The following MARCHF1 variants were observed in gnomAD, a reference collection of about 807,000 sequenced individuals.
MARCHF1 encodes the protein membrane associated ring-CH-type finger 1, also known as E3 ubiquitin-protein ligase MARCHF1.
A neutral mutation model predicts 54.2 loss-of-function variants in MARCHF1; 40 were observed. The ratio of observed to expected loss-of-function variants is 0.74; its 90% CI spans 0.57 to 0.96. The LOEUF (loss-of-function observed/expected upper bound fraction) is 0.96, where lower values mean the gene tolerates loss of function less well. Ranked by LOEUF, MARCHF1 falls within the 40% of genes least tolerant of loss-of-function variation. MARCHF1 has a pLI of 0.00. For missense variants in MARCHF1, 586 were observed against 656.5 expected, an observed-to-expected ratio of 0.89 and a Z score of 1.17; for synonymous variants, 236 against 236.3, an observed-to-expected ratio of 1.00 and a Z score of 0.01.
chr4:164,290,820 A>G (rs1011407581), intron 1 of MARCHF1, among the ~76,000 whole-genome samples: 1 of 151,990 alleles, frequency 6.6e-6, no homozygotes, highest in Non-Finnish European at 1.5e-5. Flanking sequence ...AGGAAAGATC[A>G]TGAAAAACTA....
At chr4:164,259,544 C>CAAAAAAAAAAAAAAAA (rs141030578) in intron 1 of MARCHF1, among the ~76,000 whole-genome samples, 8 of 58,948 alleles carry the variant, frequency 1.4e-4, no homozygotes, top group African/African-American at 2.7e-4. Flanking sequence ...GACCGTGTCT[C>CAAAAAAAAAAAAAAAA]AAAAAAAAAA....
At chr4:163,591,332 T>G (rs770296260) in intron 7 of MARCHF1, among the ~76,000 whole-genome samples, 1 of 152,060 alleles carries the variant, frequency 6.6e-6, no homozygotes, top group African/African-American at 2.4e-5. Flanking sequence ...TCATCTAAAT[T>G]TCAGACTCAC....
intron 2 of MARCHF1, among the ~76,000 whole-genome samples, chr4:164,025,528 AAATT>A (rs1482995846): frequency 6.6e-6 from 1 of 152,108 alleles, no homozygotes; most frequent in Non-Finnish European, 1.5e-5. Context: ...AAATTATTAG[AAATT>A]AATAAAATTG....
At chr4:164,091,126 C>T (rs1376830964) in intron 2 of MARCHF1, among the ~76,000 whole-genome samples, 3 of 151,986 alleles carry the variant, frequency 2.0e-5, no homozygotes, top group African/African-American at 7.2e-5. Context: ...AATCTGGTGG[C>T]AAATATCAGC....
chr4:163,921,990 C>T (rs370721372), intron 3 of MARCHF1, among the ~76,000 whole-genome samples: 1 of 152,082 alleles, frequency 6.6e-6, no homozygotes, highest in Non-Finnish European at 1.5e-5. Flanking sequence ...CAATGATAGA[C>T]TGGATTAAGA....
intron 1 of MARCHF1, among the ~76,000 whole-genome samples, chr4:164,167,332 A>G (rs7688357): frequency 0.19 from 28,707 of 151,758 alleles, 4,366 homozygotes; most frequent in African/African-American, 0.41. Flanking sequence ...AGAATTATTA[A>G]TATTGTTAAA....
In MARCHF1 at chr4:164,064,182, T is replaced by C. The variant is rs113271437; in HGVS notation, c.-248+47406A>G. 7.6e-3 allele frequency among the ~76,000 whole-genome samples: 1,155 copies of C among 152,342 alleles called. 13 individuals carry two copies. The highest frequency in any genetic ancestry group is 0.022 in the African/African-American group (924 of 41,574). ...TTCCATATGAATTGTAAAATAGTTT[T>C]CTCTAGTTCTGTGAAGAATGTCAAT... On this transcript the variant is annotated intron_variant, in intron 2 of 9. Coordinates refer to ENST00000514618, the MANE Select transcript of MARCHF1 (RefSeq NM_001394959.1).
chr4:163,778,143 C>T (rs1238580661), intron 4 of MARCHF1, among the ~76,000 whole-genome samples: 1 of 146,160 alleles, frequency 6.8e-6, no homozygotes, highest in East Asian at 2.2e-4. Context: ...CATGGATATA[C>T]CACAGTTTTC....
At chr4:163,896,840 T>G (rs1276796797) in intron 3 of MARCHF1, among the ~76,000 whole-genome samples, 1 of 152,164 alleles carries the variant, frequency 6.6e-6, no homozygotes, top group Admixed American at 6.5e-5. Context: ...TCCATGCTCC[T>G]CAATGTTATT....
rs535551591 is a variant in MARCHF1 at position 163,972,062 on chromosome 4, G to A, written c.-39+16439C>T. Among the ~76,000 whole-genome samples the A allele has an allele frequency of 2.9e-3, 436 of 152,282 alleles. 3 individuals are homozygous for A. Among genetic ancestry groups the A allele is most frequent in the African/African-American group, 0.01 (420 of 41,560 alleles). On this transcript the variant is annotated intron_variant, in intron 3 of 9. Transcript: ENST00000514618. Reference sequence around the variant, plus strand: ...TGTCCTTTGCAGGGACTTGGATGAAGCTGGAAACCATCATTCTCAGCAAAC... The same window carrying A: ...TGTCCTTTGCAGGGACTTGGATGAAACTGGAAACCATCATTCTCAGCAAAC...
intron 4 of MARCHF1, among the ~76,000 whole-genome samples, chr4:163,816,381 GT>G (rs11353332): frequency 0.87 from 130,571 of 149,620 alleles, 58,067 homozygotes; most frequent in South Asian, 0.98. Flanking sequence ...ACCTTCTGGT[GT>G]TTTTTTTTTT....
At chr4:164,060,110 T>A (rs1163012914) in intron 2 of MARCHF1, among the ~76,000 whole-genome samples, 1 of 152,146 alleles carries the variant, frequency 6.6e-6, no homozygotes, top group Non-Finnish European at 1.5e-5. Flanking sequence ...TGAGTCACAG[T>A]CTACCAAATT....
chr4:163,881,891 C>T (rs1045145718), intron 3 of MARCHF1, among the ~76,000 whole-genome samples: 4 of 152,224 alleles, frequency 2.6e-5, no homozygotes, highest in African/African-American at 9.6e-5. Flanking sequence ...TGTTTCTCAA[C>T]TGTCATTCCT....
intron 5 of MARCHF1, among the ~76,000 whole-genome samples, chr4:163,620,728 G>T (rs1477769431): frequency 1.3e-5 from 2 of 151,706 alleles, no homozygotes; most frequent in Non-Finnish European, 1.5e-5. Context: ...GTGTCATCTT[G>T]TTAGGGTAAA....
At chr4:164,219,778 C>T (rs1009769098) in intron 1 of MARCHF1, among the ~76,000 whole-genome samples, 20 of 151,594 alleles carry the variant, frequency 1.3e-4, no homozygotes, top group African/African-American at 3.9e-4. Context: ...ATAAAAAGGA[C>T]GAAAAAATGA....
In MARCHF1 at chr4:164,189,797, C is replaced by T. The variant is rs995317630; in HGVS notation, c.-322-78135G>A. The T allele has an allele frequency of 6.4e-6, 10 of 1,571,418 alleles. No individual in the cohort carries two copies. The African/African-American group carries it at 8.1e-5, about 13-fold the overall frequency. ...AGGATGAATGACCCCTGACAAAAGA[C>T]ATTCATCTTCTGGGTACATTTGATC... On this transcript the variant is annotated intron_variant, in intron 1 of 9. Transcript: ENST00000514618.
chr4:164,261,439 C>T (rs1202746428), intron 1 of MARCHF1, among the ~76,000 whole-genome samples: 2 of 152,054 alleles, frequency 1.3e-5, no homozygotes, highest in East Asian at 1.9e-4. Flanking sequence ...TTTTAAGGTA[C>T]CTTAAAAAAA....
intron 5 of MARCHF1, among the ~76,000 whole-genome samples, chr4:163,700,012 C>G (rs1392662462): frequency 1.3e-5 from 2 of 150,514 alleles, no homozygotes; most frequent in African/African-American, 4.9e-5. Flanking sequence ...TATGGCCAAA[C>G]TGATGTTTTT....
chr4:163,557,168 A>G (rs1460404926), intron 8 of MARCHF1, among the ~76,000 whole-genome samples: 2 of 152,206 alleles, frequency 1.3e-5, no homozygotes, highest in Non-Finnish European at 2.9e-5. Flanking sequence ...GGAAATCAAA[A>G]AATGACTTTG....
Sources: gnomAD v4.1 joint callset for allele counts (sites outside exome capture counted in the v4.1 genomes callset) on GRCh38, gnomAD v4.1.1 for gene constraint, MANE v1.5 for transcripts, NCBI Gene and HGNC (gene_info 2026-07-23, HGNC 2026-07-21) for gene names.